CABIN1: variants seen among roughly 807,000 people sequenced by gnomAD.
The protein encoded by CABIN1 is calcineurin binding protein 1.
Under a neutral mutation model 227.7 loss-of-function variants are expected in CABIN1, and 133 were observed. That is an observed-to-expected ratio of 0.58 (90% CI 0.51 to 0.67). CABIN1 has a LOEUF of 0.67. CABIN1 is among the 30% of genes least tolerant of loss of function. The pLI is 0.00. For synonymous variants in CABIN1, 1,086 were observed against 1,155.1 expected (o/e 0.94, Z 1.21); for missense variants, 2,408 against 2,852.5 (o/e 0.84, Z 3.55).
At chr22:24,074,800 G>A (rs1199701671) in intron 18 of CABIN1, among the ~76,000 whole-genome samples, 1 of 152,184 alleles carries the variant, frequency 6.6e-6, no homozygotes, top group African/African-American at 2.4e-5. Context: ...GTAGAACTGA[G>A]GAAAACACTG....
chr22:24,107,807 C>T (rs1464435155), intron 26 of CABIN1, among the ~76,000 whole-genome samples: 3 of 152,236 alleles, frequency 2.0e-5, no homozygotes, highest in Non-Finnish European at 2.9e-5. Flanking sequence ...CCGGTGAGCT[C>T]GTGGGGCAGC....
chr22:24,170,866 G>A (rs1418395988), intron 33 of CABIN1, among the ~76,000 whole-genome samples: 1 of 147,490 alleles, frequency 6.8e-6, no homozygotes, highest in South Asian at 2.2e-4. Context: ...AGCTCCCACA[G>A]TACAGTCAGC....
At position 24,067,148 on chromosome 22, in the gene CABIN1, T is replaced by G; in HGVS notation, c.2199T>G (p.Ile733Met). ...AACACCTGGAGTTTATGACTTCCAT[T>G]CCTGAGAGGCCAGCCCAGCTGCTTC... ...RAKHLEFMTS[I>M]PERPAQLLLL... The change falls in exon 16 of 37, where the codon ATT becomes ATG. Residue 733 changes from isoleucine to methionine, a missense_variant. Physicochemically the swap from Ile to Met is conservative, Grantham distance 10. This residue lies in a region of CABIN1 where 1,045 missense variants were observed against 1,168.4 expected (regional missense o/e 0.89). Transcript: ENST00000263119. The G allele has an allele frequency of 6.2e-7, 1 of 1,614,240 alleles. No homozygotes were observed. The highest frequency in any genetic ancestry group is 8.5e-7 in the Non-Finnish European group (1 of 1,180,044).
At chr22:24,145,700 C>T (rs1174078333) in intron 29 of CABIN1, among the ~76,000 whole-genome samples, 3 of 152,168 alleles carry the variant, frequency 2.0e-5, no homozygotes, top group Non-Finnish European at 4.4e-5. Context: ...GGACAGGGCG[C>T]TAGGATGCCT....
At chr22:24,013,795 T>C (rs1480540728) in intron 1 of CABIN1, among the ~76,000 whole-genome samples, 1 of 152,228 alleles carries the variant, frequency 6.6e-6, no homozygotes, top group Non-Finnish European at 1.5e-5. Flanking sequence ...TTTCTTGTTT[T>C]CCTTGGCTTT....
At chr22:24,165,395 A>G in intron 30 of CABIN1, 135 bp from the exon 31 acceptor site, 1 of 832,696 alleles carries the variant, frequency 1.2e-6, no homozygotes, top group East Asian at 2.7e-5. Context: ...AGCAGCCCCA[A>G]ACAGGTGGTT....
chr22:24,125,921 G>A (rs1602228062), intron 28 of CABIN1, among the ~76,000 whole-genome samples: 1 of 152,230 alleles, frequency 6.6e-6, no homozygotes, highest in African/African-American at 2.4e-5. Flanking sequence ...AGGTGGGACA[G>A]GTTGCCCCCA....
rs535508722 is a variant in CABIN1, at chr22:24,061,388, T to A, written c.1618-559T>A. On this transcript the variant is annotated intron_variant, in intron 12 of 36. Coordinates refer to ENST00000263119, the MANE Select transcript of CABIN1 (RefSeq NM_012295.4). ...GGTAGAAGAGCTTGTAGGTCAGTCA[T>A]CCCTTGGTGGGCACCCTCCACTGAG... is the stretch of plus-strand genomic sequence containing the variant. Among the ~76,000 whole-genome samples, 287 of 152,332 alleles carry A rather than the reference T, an allele frequency of 1.9e-3. 8 individuals carry two copies. The highest frequency in any genetic ancestry group is 2.3e-3 in the Non-Finnish European group (156 of 68,018).
chr22:24,116,216 C>A (rs1325286493), intron 27 of CABIN1, among the ~76,000 whole-genome samples: 3 of 152,132 alleles, frequency 2.0e-5, no homozygotes. Context: ...ATATGAAGGT[C>A]GCAAGAGTAG....
intron 33 of CABIN1, chr22:24,170,105 C>T (rs1319263814): frequency 1.3e-5 from 6 of 456,190 alleles, no homozygotes; most frequent in African/African-American, 1.2e-4. Flanking sequence ...TAATGACCCT[C>T]AGACCTACCT....
intron 25 of CABIN1, among the ~76,000 whole-genome samples, 153 bp from the exon 26 acceptor site, chr22:24,097,861 A>G (rs954394325): frequency 1.1e-4 from 17 of 152,186 alleles, no homozygotes; most frequent in African/African-American, 3.9e-4. Context: ...AGGGGCAACT[A>G]TGGGCTCTGT....
intron 23 of CABIN1, 83 bp downstream of exon 23, chr22:24,087,796 C>T: frequency 3.9e-6 from 6 of 1,549,574 alleles, no homozygotes; most frequent in Middle Eastern, 2.3e-4. Flanking sequence ...CTGTCTCATT[C>T]GTACTTTATT....
At chr22:24,075,580 A>G (rs1569173394) in intron 18 of CABIN1, among the ~76,000 whole-genome samples, 2 of 152,114 alleles carry the variant, frequency 1.3e-5, no homozygotes, top group Non-Finnish European at 2.9e-5. Flanking sequence ...CCCTGTCTCT[A>G]CAAAAAATTA....
chr22:24,135,770 C>T (rs2044358194), intron 29 of CABIN1, among the ~76,000 whole-genome samples: 1 of 152,194 alleles, frequency 6.6e-6, no homozygotes. Flanking sequence ...CAGAGGTGGC[C>T]TGAACAGGAG....
intron 8 of CABIN1, 89 bp from the exon 9 acceptor site, chr22:24,054,784 C>T (rs956708729): frequency 1.2e-5 from 18 of 1,550,590 alleles, no homozygotes; most frequent in Middle Eastern, 1.9e-4. Context: ...GCAGCTCTGC[C>T]GCCTCTGTGC....
chr22:24,118,475 G>A (rs1231209661), intron 27 of CABIN1, among the ~76,000 whole-genome samples: 1 of 152,136 alleles, frequency 6.6e-6, no homozygotes, highest in Non-Finnish European at 1.5e-5. Flanking sequence ...TGCTACTACA[G>A]TAGGGAGAGG....
At chr22:24,056,495 G>A (rs891041617) in intron 10 of CABIN1, 135 bp downstream of exon 10, 1 of 881,842 alleles carries the variant, frequency 1.1e-6, no homozygotes, top group Non-Finnish European at 1.8e-6. Flanking sequence ...CTGTGCAGAT[G>A]TCTGAAGCAC....
intron 28 of CABIN1, among the ~76,000 whole-genome samples, chr22:24,132,815 C>T (rs1320540077): frequency 3.3e-5 from 5 of 152,096 alleles, no homozygotes; most frequent in South Asian, 2.1e-4. Flanking sequence ...CTCGAACTCC[C>T]GATCTCAGGT....
intron 29 of CABIN1, among the ~76,000 whole-genome samples, chr22:24,140,904 A>T (rs1188943236): frequency 6.6e-6 from 1 of 152,142 alleles, no homozygotes; most frequent in Non-Finnish European, 1.5e-5. Context: ...CCCAGGTCCC[A>T]AGATCACTGA....
Sources: gnomAD v4.1 joint callset for allele counts (sites outside exome capture counted in the v4.1 genomes callset) on GRCh38, gnomAD v4.1.1 for gene constraint, gnomAD v4.1.1 regional missense constraint, MANE v1.5 for transcripts, NCBI Gene and HGNC (gene_info 2026-07-23, HGNC 2026-07-21) for gene names.